SPIDR: variants seen among roughly 807,000 people sequenced by gnomAD.
The protein encoded by SPIDR is scaffold protein involved in DNA repair.
In SPIDR, 93 loss-of-function variants were observed where a neutral mutation model predicts 104.6. That is an observed-to-expected ratio of 0.89 (90% CI 0.75 to 1.06). The LOEUF is 1.06. SPIDR is among the 50% of genes least tolerant of loss of function. SPIDR has a pLI of 0.00. For missense variants in SPIDR, 1,154 were observed against 1,111.2 expected, an observed-to-expected ratio of 1.04 and a Z score of -0.55; for synonymous variants, 431 against 416.9, an observed-to-expected ratio of 1.03 and a Z score of -0.41.
chr8:47,337,760 G>A (rs2050042095), intron 5 of SPIDR, among the ~76,000 whole-genome samples: 1 of 151,900 alleles, frequency 6.6e-6, no homozygotes, highest in Admixed American at 6.6e-5. Flanking sequence ...TTTTTTGGTA[G>A]TGTGTTAGGT....
chr8:47,540,682 T>C (rs1346575850), intron 8 of SPIDR, among the ~76,000 whole-genome samples: 1 of 152,208 alleles, frequency 6.6e-6, no homozygotes, highest in Admixed American at 6.5e-5. Flanking sequence ...GGTCATTTTC[T>C]TCTTCGTTTT....
At chr8:47,275,770 T>C (rs2036303371) in intron 1 of SPIDR, among the ~76,000 whole-genome samples, 1 of 152,250 alleles carries the variant, frequency 6.6e-6, no homozygotes. Context: ...TAAATATTTT[T>C]GGAATGTGGA....
intron 16 of SPIDR, among the ~76,000 whole-genome samples, chr8:47,714,435 C>G (rs2082291468): frequency 6.6e-6 from 1 of 152,146 alleles, no homozygotes; most frequent in Non-Finnish European, 1.5e-5. Context: ...GTTTTACATA[C>G]ATCTGAGATG....
chr8:47,641,459 A>T (rs1275684431), intron 10 of SPIDR, among the ~76,000 whole-genome samples: 1 of 152,192 alleles, frequency 6.6e-6, no homozygotes. Context: ...CTCAAGCAAG[A>T]TTCAATTCGA....
chr8:47,496,767 T>C (rs1285412186), intron 8 of SPIDR, among the ~76,000 whole-genome samples: 1 of 151,586 alleles, frequency 6.6e-6, no homozygotes, highest in African/African-American at 2.4e-5. Flanking sequence ...TGAATTTCTC[T>C]TTAAACATTT....
At chr8:47,716,383 C>T (rs73571460) in intron 16 of SPIDR, among the ~76,000 whole-genome samples, 2,755 of 152,188 alleles carry the variant, frequency 0.018, 84 homozygotes, top group African/African-American at 0.064. Context: ...TCTTGTGATT[C>T]CATTGTTGCT....
intron 19 of SPIDR, among the ~76,000 whole-genome samples, chr8:47,734,880 G>T (rs1364316057): frequency 6.6e-6 from 1 of 152,178 alleles, no homozygotes; most frequent in African/African-American, 2.4e-5. Flanking sequence ...ATCCTATTAA[G>T]GAAGGAAGTT....
At chr8:47,574,030 A>G (rs888826929) in intron 8 of SPIDR, among the ~76,000 whole-genome samples, 3 of 152,238 alleles carry the variant, frequency 2.0e-5, no homozygotes, top group Non-Finnish European at 4.4e-5. Context: ...AGCCTTGCAC[A>G]TTTATCTATT....
chr8:47,271,982 T>C (rs2035424059), intron 1 of SPIDR, among the ~76,000 whole-genome samples: 1 of 151,922 alleles, frequency 6.6e-6, no homozygotes, highest in African/African-American at 2.4e-5. Flanking sequence ...TGTATTTTTT[T>C]TTCTTTTTTT....
At chr8:47,261,148 C>CAAGCCCGCGCAGTGGGGT (rs2032088148) in intron 1 of SPIDR, among the ~76,000 whole-genome samples, 157 bp downstream of exon 1, 1 of 152,104 alleles carries the variant, frequency 6.6e-6, no homozygotes, top group Non-Finnish European at 1.5e-5. Context: ...GCGCGTGGAG[C>CAAGCCCGCGCAGTGGGGT]AAGCCCGCGC....
chr8:47,538,431 C>G (rs997027270), intron 8 of SPIDR, among the ~76,000 whole-genome samples: 2 of 152,022 alleles, frequency 1.3e-5, no homozygotes, highest in Middle Eastern at 3.2e-3. Flanking sequence ...GTAGTCCCAG[C>G]TACTAGGGAG....
At position 47,713,628 on chromosome 8, in the gene SPIDR, C is replaced by A. The variant is rs778819999; in HGVS notation, c.2328C>A (p.Ile776=). Residue 776 remains isoleucine, a synonymous_variant, in exon 16 of 20, where the codon ATC becomes ATA. Transcript: ENST00000297423. ...ACTCTGCAACACCTGTCAACTCCAT[C>A]TGCAGTGTTCAAGGTAGGCAGCCAT... ...SLDSATPVNS[I]CSVQGTVVGV... 1.2e-6 allele frequency: 2 copies of A among 1,614,164 alleles called. No individual in the cohort carries two copies. Among genetic ancestry groups the A allele is most frequent in the South Asian group, 2.2e-5 (2 of 91,072 alleles).
chr8:47,300,182 G>T (rs2041787621), intron 5 of SPIDR, among the ~76,000 whole-genome samples: 1 of 152,130 alleles, frequency 6.6e-6, no homozygotes, highest in South Asian at 2.1e-4. Context: ...AGTCTTGGGA[G>T]GGTGTATGTG....
At chr8:47,349,310 A>T (rs2052910794) in intron 5 of SPIDR, among the ~76,000 whole-genome samples, 1 of 152,174 alleles carries the variant, frequency 6.6e-6, no homozygotes, top group Non-Finnish European at 1.5e-5. Context: ...CAGAACAGCA[A>T]ATGTTGCTGC....
intron 7 of SPIDR, among the ~76,000 whole-genome samples, chr8:47,419,893 G>T (rs1554678617): frequency 6.6e-6 from 1 of 152,110 alleles, no homozygotes; most frequent in African/African-American, 2.4e-5. Context: ...AGTCATTCAG[G>T]AGCAGGTTGT....
intron 8 of SPIDR, among the ~76,000 whole-genome samples, chr8:47,523,414 C>T (rs1330992057): frequency 1.3e-5 from 2 of 152,282 alleles, no homozygotes; most frequent in South Asian, 4.1e-4. Context: ...AGAGGAAAGA[C>T]GCATTTCCAC....
intron 8 of SPIDR, among the ~76,000 whole-genome samples, chr8:47,507,290 G>A (rs1352140010): frequency 2.6e-5 from 4 of 152,200 alleles, no homozygotes; most frequent in South Asian, 2.1e-4. Context: ...CCCATAAAGC[G>A]TCTTCCCAAT....
At chr8:47,341,026 G>T (rs991839329) in intron 5 of SPIDR, among the ~76,000 whole-genome samples, 13 of 152,216 alleles carry the variant, frequency 8.5e-5, no homozygotes, top group Admixed American at 8.5e-4. Context: ...TGAATGGACT[G>T]TGGGAGCCCC....
At chr8:47,521,872 A>G (rs1407002903) in intron 8 of SPIDR, among the ~76,000 whole-genome samples, 4 of 152,020 alleles carry the variant, frequency 2.6e-5, no homozygotes, top group Non-Finnish European at 5.9e-5. Context: ...TCTTAGAAAT[A>G]TATGAATGAG....
Sources: gnomAD v4.1 joint callset for allele counts (sites outside exome capture counted in the v4.1 genomes callset) on GRCh38, gnomAD v4.1.1 for gene constraint, MANE v1.5 for transcripts, NCBI Gene and HGNC (gene_info 2026-07-23, HGNC 2026-07-21) for gene names.